Variants in CACNA1B observed in about 807,000 individuals in gnomAD.
CACNA1B encodes voltage-dependent N-type calcium channel subunit alpha-1B.
CACNA1B carries 70 observed loss-of-function variants against 247.2 expected under a neutral mutation model. That is an observed-to-expected ratio of 0.28 (90% CI 0.23 to 0.35). The LOEUF is 0.35. Among genes scored for constraint, CACNA1B ranks in the 10% least tolerant of loss-of-function variants. CACNA1B has a pLI of 1.00. For missense variants in CACNA1B, 2,367 were observed against 3,197.4 expected (o/e 0.74, Z 6.26); for synonymous variants, 1,231 against 1,294.4 (o/e 0.95, Z 1.05).
intron 36 of CACNA1B, 139 bp downstream of exon 36, chr9:138,078,397 C>G: frequency 1.2e-6 from 1 of 828,878 alleles, no homozygotes; most frequent in South Asian, 1.9e-5. Context: ...GCCCTTGTTT[C>G]CCCAGAGATG....
At chr9:138,086,764 TCAA>T in intron 36 of CACNA1B, among the ~76,000 whole-genome samples, 1 of 151,052 alleles carries the variant, frequency 6.6e-6, no homozygotes, top group Non-Finnish European at 1.5e-5. Flanking sequence ...AGACAGAAAA[TCAA>T]CAACAAAAAA....
chr9:137,963,073 G>T (rs2133354222), intron 10 of CACNA1B, among the ~76,000 whole-genome samples: 1 of 152,230 alleles, frequency 6.6e-6, no homozygotes, highest in African/African-American at 2.4e-5. Context: ...CCTGTATTGG[G>T]TACATATATA....
At chr9:137,939,982 C>G (rs1374883992) in intron 6 of CACNA1B, among the ~76,000 whole-genome samples, 1 of 151,848 alleles carries the variant, frequency 6.6e-6, no homozygotes, top group Admixed American at 6.6e-5. Flanking sequence ...TGAACGAGCA[C>G]AAACAGACAA....
chr9:137,927,235 CT>C (rs1957561431), intron 6 of CACNA1B, among the ~76,000 whole-genome samples: 1 of 100,396 alleles, frequency 1.0e-5, no homozygotes, highest in African/African-American at 3.9e-5. Context: ...AAGGATCCAG[CT>C]TTCTTCTTCT....
At position 138,120,626 on chromosome 9, in the gene CACNA1B, G is replaced by A. The variant is rs1446345959; in HGVS notation, c.6239-5G>A. ...CCGTGCTAACTTCTTCTCTTCCCTG[G>A]CCAGCACCAAGCAGTGCTGTGGGGC... On this transcript the variant is annotated splice_polypyrimidine_tract_variant and splice_region_variant and intron_variant, in intron 45 of 46. Transcript: ENST00000371372. 6.7e-7 allele frequency: 1 copy of A among 1,492,052 alleles called. No homozygotes were observed. Among genetic ancestry groups the A allele is most frequent in the Non-Finnish European group, 8.9e-7 (1 of 1,125,500 alleles). 92.4% of individuals were successfully genotyped at this position (1,492,052 alleles called of 1,614,324 possible). A position where few individuals can be genotyped will look rare whatever the true frequency, so the allele number is the denominator to read the frequency against.
rs1277977624 is a variant in CACNA1B, at chr9:137,917,036, G to C, written c.776-205G>C. Among the ~76,000 whole-genome samples the C allele has an allele frequency of 1.3e-5, 2 of 152,150 alleles. No individual in the cohort carries two copies. The highest frequency in any genetic ancestry group is 4.8e-5 in the African/African-American group (2 of 41,450). ...GGAGAGGCCAGCCGTTACTCCCTGA[G>C]TTGGTCACTCGTGAGCTCGGGGTCA... is the stretch of plus-strand genomic sequence containing the variant. On this transcript the variant is annotated intron_variant, in intron 5 of 46. Transcript: ENST00000371372. This position sits in a 1 kb window ranked among gnomAD's most constrained non-coding sequence, Gnocchi z 5.5.
At chr9:137,967,660 G>A (rs542231191) in intron 10 of CACNA1B, among the ~76,000 whole-genome samples, 4 of 152,248 alleles carry the variant, frequency 2.6e-5, no homozygotes, top group African/African-American at 7.2e-5. Flanking sequence ...CCCCACTGAG[G>A]AGCGAGATCC....
chr9:138,091,535 T>G (rs998984924), intron 36 of CACNA1B, among the ~76,000 whole-genome samples: 2 of 152,202 alleles, frequency 1.3e-5, no homozygotes, highest in African/African-American at 2.4e-5. Flanking sequence ...TTCAAATATT[T>G]TCAAATAGGA....
intron 1 of CACNA1B, among the ~76,000 whole-genome samples, chr9:137,878,785 G>C (rs1956873551): frequency 6.6e-6 from 1 of 152,172 alleles, no homozygotes; most frequent in Admixed American, 6.5e-5. Flanking sequence ...AGCCGGGCCG[G>C]AGGCGCTGTC....
chr9:138,111,050 A>G (rs565968542), intron 39 of CACNA1B, among the ~76,000 whole-genome samples: 10 of 152,210 alleles, frequency 6.6e-5, no homozygotes, highest in Non-Finnish European at 1.5e-4. Flanking sequence ...CAGAATGACA[A>G]TACTTAGTGC....
intron 18 of CACNA1B, among the ~76,000 whole-genome samples, chr9:138,022,794 G>T (rs1412176881): frequency 2.0e-5 from 2 of 101,070 alleles, no homozygotes; most frequent in Non-Finnish European, 4.0e-5. Flanking sequence ...TGCGGGTCCT[G>T]TGGGACACCG....
intron 6 of CACNA1B, among the ~76,000 whole-genome samples, chr9:137,945,382 C>A (rs1017192544): frequency 2.6e-5 from 4 of 152,188 alleles, no homozygotes; most frequent in Non-Finnish European, 2.9e-5. Flanking sequence ...AACTCTGGGT[C>A]TTGTCTGCGG....
chr9:138,118,984 T>G (rs1005978461), intron 44 of CACNA1B, among the ~76,000 whole-genome samples: 4 of 152,026 alleles, frequency 2.6e-5, no homozygotes, highest in Non-Finnish European at 4.4e-5. Context: ...CCCTGAGGCT[T>G]CTCCAGAGGG....
intron 40 of CACNA1B, 78 bp from the exon 41 acceptor site, chr9:138,114,300 C>T: frequency 1.3e-6 from 1 of 741,666 alleles, no homozygotes. Flanking sequence ...CGGCTGTTTC[C>T]TCACCTTACT....
In CACNA1B at chr9:137,954,562, T is replaced by G. The variant is rs1451923530; in HGVS notation, c.1071-1136T>G. 6.6e-6 allele frequency among the ~76,000 whole-genome samples: 1 copy of G among 152,024 alleles called. No individual in the cohort carries two copies. Among genetic ancestry groups the G allele is most frequent in the Non-Finnish European group, 1.5e-5 (1 of 67,976 alleles). ...GTTCAAGCAGTGATGTCCTTGCCCT[T>G]CCCCTGCCCCCCAGGCCCTCTCATT... On this transcript the variant is annotated intron_variant, in intron 7 of 46. Transcript: ENST00000371372. This position sits in a 1 kb window ranked among gnomAD's most constrained non-coding sequence, Gnocchi z 4.1.
rs1956936045 is a variant in CACNA1B at position 137,882,419 on chromosome 9, G to T, written c.391-325G>T. ...AAGCAAGGCCCACTGCATGGTGCTA[G>T]CAGGGAGATTGGGGCCCCACTGTGA... On this transcript the variant is annotated intron_variant, in intron 2 of 46. Coordinates refer to ENST00000371372, the MANE Select transcript of CACNA1B (RefSeq NM_000718.4). This position sits in a 1 kb window ranked among gnomAD's most constrained non-coding sequence, Gnocchi z 4.0. 6.6e-6 allele frequency among the ~76,000 whole-genome samples: 1 copy of T among 152,194 alleles called. No individual in the cohort carries two copies. The highest frequency in any genetic ancestry group is 1.5e-5 in the Non-Finnish European group (1 of 68,024).
chr9:138,058,043 GC>G lies in CACNA1B; in HGVS notation c.4107-3del. ...TCCCCTGACACTTGCTCTCCTCTTT[GC>G]CCAGGGTGCTGAAACACTCCGTGGA... On this transcript the variant is annotated splice_region_variant and splice_polypyrimidine_tract_variant and intron_variant, in intron 27 of 46. Transcript: ENST00000371372. The surrounding 1 kb of genome is among the most constrained non-coding windows in gnomAD (Gnocchi z 4.7). 6.2e-7 allele frequency: 1 copy of G among 1,612,596 alleles called. No homozygotes were observed. Among genetic ancestry groups the G allele is most frequent in the African/African-American group, 1.3e-5 (1 of 75,032 alleles).
At chr9:137,902,948 C>G (rs1375347208) in intron 3 of CACNA1B, among the ~76,000 whole-genome samples, 1 of 152,220 alleles carries the variant, frequency 6.6e-6, no homozygotes, top group African/African-American at 2.4e-5. Flanking sequence ...CTGTCAGATT[C>G]CTCTTGTCAA....
At chr9:137,894,818 T>A (rs1236952139) in intron 3 of CACNA1B, among the ~76,000 whole-genome samples, 3 of 152,198 alleles carry the variant, frequency 2.0e-5, no homozygotes, top group Admixed American at 2.0e-4. Flanking sequence ...TATTTTTTCC[T>A]ACTCTGTAGC....
Sources: gnomAD v4.1 joint callset for allele counts (sites outside exome capture counted in the v4.1 genomes callset) on GRCh38, gnomAD v4.1.1 for gene constraint, Gnocchi (gnomAD v3.1) non-coding constraint, MANE v1.5 for transcripts, NCBI Gene and HGNC (gene_info 2026-07-23, HGNC 2026-07-21) for gene names.